The following UAP1L1 variants were observed in gnomAD, a reference collection of about 807,000 sequenced individuals.
The protein encoded by UAP1L1 is UDP-N-acetylglucosamine pyrophosphorylase 1 like 1, also known as UDP-N-acetylhexosamine pyrophosphorylase-like protein 1.
Under a neutral mutation model 45.3 loss-of-function variants are expected in UAP1L1, and 45 were observed. That is an observed-to-expected ratio of 0.99 (90% CI 0.78 to 1.27). UAP1L1 has a LOEUF of 1.27. UAP1L1 is among the 50% of genes most tolerant of loss of function. The probability of loss-of-function intolerance (pLI) is 0.00; values close to 1 mark genes in which losing one functional copy is unlikely to be tolerated. For missense variants in UAP1L1, 667 were observed against 694.0 expected (o/e 0.96, Z 0.44); for synonymous variants, 323 against 303.9 (o/e 1.06, Z -0.65).
rs535384196 is a variant in UAP1L1 at position 137,082,569 on chromosome 9, GT to G, written c.1432-67del. The G allele has an allele frequency of 1.2e-3, 1,630 of 1,312,586 alleles. 2 individuals carry two copies. The highest frequency in any genetic ancestry group is 2.6e-3 in the Middle Eastern group (14 of 5,448). 81.3% of individuals were successfully genotyped at this position (1,312,586 alleles called of 1,614,324 possible). A position where few individuals can be genotyped will look rare whatever the true frequency, so the allele number is the denominator to read the frequency against. On this transcript the variant is annotated intron_variant, in intron 8 of 8. Coordinates refer to ENST00000409858, the MANE Select transcript of UAP1L1 (RefSeq NM_207309.3). The surrounding 1 kb of genome is among the most constrained non-coding windows in gnomAD (Gnocchi z 5.7). ...TCGCACCTGGGGACTGTGGCTCTTG[GT>G]GTGGCCAGAGGGGCTGTGACCCGCC...
chr9:137,080,580 C>A, intron 6 of UAP1L1, 109 bp from the exon 7 acceptor site: 1 of 1,130,270 alleles, frequency 8.8e-7, no homozygotes, highest in Non-Finnish European at 1.3e-6. Flanking sequence ...AGACTTGCTG[C>A]CCATGGGACC....
At position 137,077,648 on chromosome 9, in the gene UAP1L1, C is replaced by T; in HGVS notation, c.116C>T (p.Ala39Val). 2.3e-6 allele frequency: 3 copies of T among 1,302,554 alleles called. No individual in the cohort carries two copies. Among genetic ancestry groups the T allele is most frequent in the Admixed American group, 3.1e-5 (1 of 32,448 alleles). 80.7% of individuals were successfully genotyped at this position (1,302,554 alleles called of 1,614,324 possible). A position where few individuals can be genotyped will look rare whatever the true frequency, so the allele number is the denominator to read the frequency against. The change falls in exon 1 of 9, where the codon GCG becomes GTG. Residue 39 changes from alanine (A) to valine (V), a missense_variant. Physicochemically the swap from Ala to Val is moderately conservative, Grantham distance 64. Transcript: ENST00000409858. This position sits in a 1 kb window ranked among gnomAD's most constrained non-coding sequence, Gnocchi z 4.7. ...CGAGCCGCGCTGCTGGCGGAGCTGG[C>T]GCTGCTGGAGCCCGAGGCGCTGCGC... ...EPRAALLAEL[A>V]LLEPEALREH...
chr9:137,077,682 C>T lies in UAP1L1; in HGVS notation c.150C>T (p.Cys50=). Residue 50 remains cysteine, a synonymous_variant, in exon 1 of 9, where the codon TGC becomes TGT. Transcript: ENST00000409858. The surrounding 1 kb of genome is among the most constrained non-coding windows in gnomAD (Gnocchi z 4.7). ...LLEPEALREH[C]RRAAEACARP... ...AGCCCGAGGCGCTGCGCGAGCACTG[C>T]CGGCGGGCGGCGGAGGCCTGCGCGC... The T allele has an allele frequency of 8.6e-7, 1 of 1,163,602 alleles. No homozygotes were observed. The highest frequency in any genetic ancestry group is 1.1e-6 in the Non-Finnish European group (1 of 943,416). 72.1% of individuals were successfully genotyped at this position (1,163,602 alleles called of 1,614,324 possible).
intron 6 of UAP1L1, 80 bp from the exon 7 acceptor site, chr9:137,080,609 T>G (rs1832773915): frequency 7.1e-7 from 1 of 1,415,152 alleles, no homozygotes; most frequent in African/African-American, 1.4e-5. Flanking sequence ...ACTCTGTCAC[T>G]GGAAACCTGG....
rs979932904 is a variant in UAP1L1 at position 137,082,230 on chromosome 9, G to T, written c.1431+166G>T. On this transcript the variant is annotated intron_variant, in intron 8 of 8. Transcript: ENST00000409858. This position sits in a 1 kb window ranked among gnomAD's most constrained non-coding sequence, Gnocchi z 5.7. ...ACTTTCCAAGATATGGGTTGGGGTG[G>T]GGTGAGGCATCCAGAGGCCTTTGCA... 4.3e-6 allele frequency: 3 copies of T among 705,564 alleles called. No individual in the cohort carries two copies. Among genetic ancestry groups the T allele is most frequent in the Admixed American group, 2.2e-5 (1 of 44,716 alleles). The allele number at this position is 705,564 out of a possible 1,614,324, so 43.7% of individuals were successfully genotyped here.
chr9:137,078,277 C>T (rs1832726065), intron 2 of UAP1L1, 23 bp downstream of exon 2: 1 of 1,524,920 alleles, frequency 6.6e-7, no homozygotes. Context: ...TGCCCTACCT[C>T]GGCCCGGAGG....
At position 137,077,729 on chromosome 9, in the gene UAP1L1, A is replaced by T. The variant is rs1003971484; in HGVS notation, c.197A>T (p.Asp66Val). 1.7e-6 allele frequency: 2 copies of T among 1,180,896 alleles called. No individual in the cohort carries two copies. The highest frequency in any genetic ancestry group is 3.2e-5 in the African/African-American group (2 of 62,230). The allele number at this position is 1,180,896 out of a possible 1,614,324, so 73.2% of individuals were successfully genotyped here. ...ACARPHGPPP[D>V]LAARLRPLPP... ...GCGCGCCCCCACGGCCCGCCGCCCGACTTGGCCGCGCGCCTGCGGCCCCTG... is the reference window on the plus strand; with the variant it reads ...GCGCGCCCCCACGGCCCGCCGCCCGTCTTGGCCGCGCGCCTGCGGCCCCTG... The change falls in exon 1 of 9, where the codon GAC becomes GTC. Residue 66 changes from aspartate to valine, a missense_variant. Physicochemically the swap from Asp to Val is radical, Grantham distance 152. Transcript: ENST00000409858. This position sits in a 1 kb window ranked among gnomAD's most constrained non-coding sequence, Gnocchi z 4.7.
chr9:137,081,350 C>T (rs935315872), intron 7 of UAP1L1, among the ~76,000 whole-genome samples: 10 of 151,402 alleles, frequency 6.6e-5, no homozygotes, highest in African/African-American at 1.2e-4. Context: ...TACAGGCGCC[C>T]GCCACCACGC....
intron 5 of UAP1L1, chr9:137,079,687 C>G (rs1333074133): frequency 3.4e-6 from 2 of 586,434 alleles, no homozygotes; most frequent in Non-Finnish European, 6.0e-6. Flanking sequence ...GCTCTGTGAT[C>G]AAGTCTGCCA....
intron 3 of UAP1L1, 139 bp downstream of exon 3, chr9:137,078,816 C>A: frequency 7.6e-7 from 1 of 1,309,268 alleles, no homozygotes; most frequent in Non-Finnish European, 1.0e-6. Flanking sequence ...GGGCCTTGAT[C>A]GTCATTTGTC....
intron 2 of UAP1L1, 51 bp from the exon 3 acceptor site, chr9:137,078,451 G>A: frequency 6.2e-7 from 1 of 1,611,336 alleles, no homozygotes; most frequent in Non-Finnish European, 8.5e-7. Context: ...AGCCCCGTCT[G>A]CCTGCAGGGC....
At position 137,082,016 on chromosome 9, in the gene UAP1L1, C is replaced by T. The variant is rs376835824; in HGVS notation, c.1383C>T (p.Asp461=). The T allele has an allele frequency of 5.0e-6, 8 of 1,613,896 alleles. No individual in the cohort carries two copies. The highest frequency in any genetic ancestry group is 3.3e-5 in the South Asian group (3 of 91,088). ...PELPSLPPNG[D]PPAICEISPL... The stretch of plus-strand genomic sequence containing the variant: ...TCCCTAGCTTGCCCCCAAATGGAGA[C>T]CCTCCGGCCATCTGTGAGATATCGC... Residue 461 remains aspartate (D), a synonymous_variant, in exon 8 of 9, where the codon GAC becomes GAT. Coordinates refer to ENST00000409858, the MANE Select transcript of UAP1L1 (RefSeq NM_207309.3). The surrounding 1 kb of genome is among the most constrained non-coding windows in gnomAD (Gnocchi z 5.7).
Position 137,078,984 on chromosome 9 carries a change from G to T in UAP1L1, c.679G>T (p.Gly227Trp). 1 of 1,585,692 alleles carries T rather than the reference G, an allele frequency of 6.3e-7. No homozygotes were observed. The highest frequency in any genetic ancestry group is 8.5e-7 in the Non-Finnish European group (1 of 1,172,042). ...CCCTTCTCCGTCTGCAGACGGCAAC[G>T]GGGGCCTCTACTGCGCGCTGGAGGA... Reference protein sequence around the residue: ...DKVAMAPDGNGGLYCALEDHK... With the variant: ...DKVAMAPDGNWGLYCALEDHK... Residue 227 changes from glycine to tryptophan, a missense_variant, in exon 4 of 9, where the codon GGG (glycine) becomes TGG (tryptophan). By Grantham distance (184) the Gly-to-Trp change is radical. Coordinates refer to ENST00000409858, the MANE Select transcript of UAP1L1 (RefSeq NM_207309.3).
intron 7 of UAP1L1, 118 bp from the exon 8 acceptor site, chr9:137,081,880 G>T: frequency 1.1e-6 from 1 of 951,094 alleles, no homozygotes; most frequent in South Asian, 1.3e-5. Context: ...AGCTTGCTGA[G>T]ACAGGAGCTG....
rs1832777574 is a variant in UAP1L1, at chr9:137,080,812, G to T, written c.1302G>T (p.Trp434Cys). ...CCCTGCTCACCCAGCACTACCGGTG[G>T]GCTCTGCGGGCCGGGGCCCGCTTCC... ...RQALLTQHYRWALRAGARFLD... is the reference protein window; with the variant it reads ...RQALLTQHYRCALRAGARFLD... Residue 434 changes from tryptophan to cysteine, a missense_variant, in exon 7 of 9, where the codon TGG (tryptophan) becomes TGT (cysteine). Physicochemically the swap from Trp to Cys is radical, Grantham distance 215. Transcript: ENST00000409858. 6.2e-7 allele frequency: 1 copy of T among 1,611,096 alleles called. No homozygotes were observed. Among genetic ancestry groups the T allele is most frequent in the South Asian group, 1.1e-5 (1 of 91,048 alleles).
At chr9:137,078,312 TCC>T (rs1418226932) in intron 2 of UAP1L1, 58 bp downstream of exon 2, 1 of 1,502,280 alleles carries the variant, frequency 6.7e-7, no homozygotes. Flanking sequence ...CCCCCCCACA[TCC>T]CCGCTCCAGA....
intron 6 of UAP1L1, 129 bp from the exon 7 acceptor site, chr9:137,080,560 G>A: frequency 2.2e-6 from 2 of 898,936 alleles, no homozygotes; most frequent in South Asian, 1.6e-5. Flanking sequence ...ACCTGCGGGG[G>A]CTCCTCCCTA....
In UAP1L1 at chr9:137,082,458, C is replaced by G. The variant is rs1832804527; in HGVS notation, c.1432-179C>G. The G allele has an allele frequency of 6.6e-6, 4 of 610,380 alleles. No homozygotes were observed. The South Asian group carries it at 7.6e-5, about 12-fold the overall frequency. The allele number at this position is 610,380 out of a possible 1,614,324, so 37.8% of individuals were successfully genotyped here. ...GCTGGCCTAGGGTCTTGAGTGTGGT[C>G]TTGGGTGGCCTTGCAGTGTGTGTCT... is the stretch of plus-strand genomic sequence containing the variant. On this transcript the variant is annotated intron_variant, in intron 8 of 8. Coordinates refer to ENST00000409858, the MANE Select transcript of UAP1L1 (RefSeq NM_207309.3). This position sits in a 1 kb window ranked among gnomAD's most constrained non-coding sequence, Gnocchi z 5.7.
In UAP1L1 at chr9:137,080,047, C is replaced by T. The variant is rs1277932146; in HGVS notation, c.1083C>T (p.Val361=). 1 of 1,614,116 alleles carries T rather than the reference C, an allele frequency of 6.2e-7. No homozygotes were observed. Among genetic ancestry groups the T allele is most frequent in the Admixed American group, 1.7e-5 (1 of 60,018 alleles). The change falls in exon 6 of 9, where the codon GTC becomes GTT. Residue 361 remains valine, a synonymous_variant. Coordinates refer to ENST00000409858, the MANE Select transcript of UAP1L1 (RefSeq NM_207309.3). ...LLKPHVAVKK[V]PYVDEEGNLV... is the part of the protein sequence containing the mutation. ...AGCCACACGTGGCTGTGAAGAAGGT[C>T]CCGTATGTGGATGAGGAGGGGAATC...
Sources: gnomAD v4.1 joint callset for allele counts (sites outside exome capture counted in the v4.1 genomes callset) on GRCh38, gnomAD v4.1.1 for gene constraint, Gnocchi (gnomAD v3.1) non-coding constraint, MANE v1.5 for transcripts, NCBI Gene and HGNC (gene_info 2026-07-23, HGNC 2026-07-21) for gene names.